The following GPC5 variants were observed in gnomAD, a reference collection of about 807,000 sequenced individuals.
GPC5 encodes glypican-5.
GPC5 carries 47 observed loss-of-function variants against 53.9 expected under a neutral mutation model. The ratio of observed to expected loss-of-function variants is 0.87; its 90% CI spans 0.69 to 1.11. GPC5 has a LOEUF of 1.11. GPC5 is among the 50% of genes most tolerant of loss of function. The probability of loss-of-function intolerance (pLI) is 0.00; values close to 1 mark genes in which losing one functional copy is unlikely to be tolerated. For missense variants in GPC5, 748 were observed against 713.1 expected (o/e 1.05, Z -0.56); for synonymous variants, 286 against 263.3 (o/e 1.09, Z -0.84).
intron 2 of GPC5, among the ~76,000 whole-genome samples, chr13:91,456,295 T>A (rs1315721512): frequency 6.6e-6 from 1 of 151,246 alleles, no homozygotes; most frequent in Non-Finnish European, 1.5e-5. Context: ...GTGTATAATC[T>A]TTTTTTTTAG....
intron 7 of GPC5, among the ~76,000 whole-genome samples, chr13:92,309,938 T>C (rs535638386): frequency 6.6e-6 from 1 of 152,176 alleles, no homozygotes; most frequent in South Asian, 2.1e-4. Flanking sequence ...CTGGCAGTCT[T>C]CTTCTCTCTC....
In GPC5 at chr13:91,693,488, A is replaced by T; in HGVS notation, c.627A>T (p.Gln209His). 1 of 1,614,034 alleles carries T rather than the reference A, an allele frequency of 6.2e-7. No individual in the cohort carries two copies. The highest frequency in any genetic ancestry group is 8.5e-7 in the Non-Finnish European group (1 of 1,179,998). ...TGAGTCCATTTGGTAATATTCCCCA[A>T]AGAGTAATGGGACAGATGGGGAGGT... ...RDVSPFGNIP[Q>H]RVMGQMGRSL... The change falls in exon 3 of 8, where the codon CAA (glutamine) becomes CAT (histidine). Residue 209 changes from glutamine (Q) to histidine (H), a missense_variant. Coordinates refer to ENST00000377067, the MANE Select transcript of GPC5 (RefSeq NM_004466.6).
intron 7 of GPC5, among the ~76,000 whole-genome samples, chr13:92,784,377 A>G (rs564857409): frequency 5.9e-5 from 9 of 152,252 alleles, no homozygotes; most frequent in East Asian, 1.9e-4. Context: ...TTCTGCCACT[A>G]AAGTGATCAA....
chr13:91,893,018 T>A (rs1170655565), intron 5 of GPC5, among the ~76,000 whole-genome samples: 1 of 152,028 alleles, frequency 6.6e-6, no homozygotes, highest in African/African-American at 2.4e-5. Context: ...GAATGTCAAG[T>A]GTTTTCCTAA....
At chr13:92,606,914 T>G (rs1308976637) in intron 7 of GPC5, among the ~76,000 whole-genome samples, 2 of 152,214 alleles carry the variant, frequency 1.3e-5, no homozygotes, top group Non-Finnish European at 2.9e-5. Context: ...CCACATGCGC[T>G]TTGCCCCATT....
chr13:91,568,907 C>T (rs2031657998), intron 2 of GPC5, among the ~76,000 whole-genome samples: 1 of 151,964 alleles, frequency 6.6e-6, no homozygotes, highest in Non-Finnish European at 1.5e-5. Flanking sequence ...TGCCATCACA[C>T]CCAACTAATT....
chr13:92,584,640 G>T (rs2139058005), intron 7 of GPC5, among the ~76,000 whole-genome samples: 1 of 152,270 alleles, frequency 6.6e-6, no homozygotes, highest in African/African-American at 2.4e-5. Context: ...GTAACTAGGA[G>T]GCGAATGTTA....
intron 7 of GPC5, among the ~76,000 whole-genome samples, chr13:92,609,640 C>T (rs962764996): frequency 9.9e-5 from 15 of 152,116 alleles, no homozygotes; most frequent in African/African-American, 2.7e-4. Context: ...TTATGAGGCA[C>T]AAGCAGCTAA....
chr13:92,814,631 A>C (rs542489557), intron 7 of GPC5, among the ~76,000 whole-genome samples: 1 of 151,768 alleles, frequency 6.6e-6, no homozygotes, highest in East Asian at 1.9e-4. Flanking sequence ...ATTGCACTCC[A>C]GCCAGGGTGA....
chr13:91,651,420 G>GA (rs1345515087), intron 2 of GPC5, among the ~76,000 whole-genome samples: 1 of 152,050 alleles, frequency 6.6e-6, no homozygotes, highest in Non-Finnish European at 1.5e-5. Flanking sequence ...TGGTCACTTT[G>GA]ACTTATGAAA....
chr13:91,851,390 C>A (rs74732089), intron 5 of GPC5, among the ~76,000 whole-genome samples: 1 of 151,970 alleles, frequency 6.6e-6, no homozygotes, highest in African/African-American at 2.4e-5. Flanking sequence ...TTGCTCTAGG[C>A]GAGTCAGTAA....
At chr13:91,690,820 A>G (rs2035742039) in intron 2 of GPC5, among the ~76,000 whole-genome samples, 1 of 152,222 alleles carries the variant, frequency 6.6e-6, no homozygotes, top group Non-Finnish European at 1.5e-5. Flanking sequence ...ATTGTCAGTC[A>G]CATGAACACA....
Position 92,064,930 on chromosome 13 carries a change from A to G in GPC5, c.1402-79900A>G, listed in dbSNP as rs1007367021. On this transcript the variant is annotated intron_variant, in intron 6 of 7. Coordinates refer to ENST00000377067, the MANE Select transcript of GPC5 (RefSeq NM_004466.6). ...TAAATAATCCTTTTTTTATGCAGAG[A>G]GCATGAAAACAACAATTAAAGTAAT... 1.1e-4 allele frequency among the ~76,000 whole-genome samples: 16 copies of G among 151,966 alleles called. No homozygotes were observed. The East Asian group carries it at 2.7e-3, about 26-fold the overall frequency.
intron 2 of GPC5, among the ~76,000 whole-genome samples, chr13:91,626,479 G>A (rs1312577641): frequency 1.3e-5 from 2 of 152,032 alleles, no homozygotes; most frequent in African/African-American, 4.8e-5. Flanking sequence ...TGTATAAAAG[G>A]TCTTTGTAAC....
At chr13:92,663,482 T>C (rs1886418403) in intron 7 of GPC5, among the ~76,000 whole-genome samples, 1 of 150,698 alleles carries the variant, frequency 6.6e-6, no homozygotes, top group Admixed American at 6.6e-5. Context: ...CTCACGCCTC[T>C]AATCTCAGCA....
intron 7 of GPC5, among the ~76,000 whole-genome samples, chr13:92,568,369 A>C (rs1377299406): frequency 6.6e-6 from 1 of 152,208 alleles, no homozygotes; most frequent in Non-Finnish European, 1.5e-5. Flanking sequence ...TAAAACTAAA[A>C]GAAAAATTTA....
chr13:92,668,088 T>C (rs1886633272), intron 7 of GPC5, among the ~76,000 whole-genome samples: 1 of 152,204 alleles, frequency 6.6e-6, no homozygotes, highest in African/African-American at 2.4e-5. Flanking sequence ...TATACATATG[T>C]GTGAATGTAT....
chr13:92,293,418 GTTTCTTT>G (rs1445536398), intron 7 of GPC5, among the ~76,000 whole-genome samples: 5 of 89,330 alleles, frequency 5.6e-5, no homozygotes, highest in African/African-American at 1.8e-4. Context: ...TGGTTGGTTG[GTTTCTTT>G]TTTTTTTTTT....
chr13:92,057,803 C>T (rs2041088253), intron 6 of GPC5, among the ~76,000 whole-genome samples: 1 of 152,094 alleles, frequency 6.6e-6, no homozygotes, highest in Admixed American at 6.5e-5. Context: ...AGACTTACAG[C>T]TCCCAATAAC....
Sources: gnomAD v4.1 joint callset for allele counts (sites outside exome capture counted in the v4.1 genomes callset) on GRCh38, gnomAD v4.1.1 for gene constraint, MANE v1.5 for transcripts, NCBI Gene and HGNC (gene_info 2026-07-23, HGNC 2026-07-21) for gene names.